Variants in TSHZ3 observed in about 807,000 individuals in gnomAD.
TSHZ3 encodes the protein teashirt homolog 3.
A neutral mutation model predicts 64.5 loss-of-function variants in TSHZ3; 10 were observed. The observed-to-expected ratio is 0.16, with a 90% CI of 0.10 to 0.26. TSHZ3 has a LOEUF of 0.26. TSHZ3 is among the 10% of genes least tolerant of loss of function. The pLI is 1.00. For synonymous variants in TSHZ3, 608 were observed against 593.1 expected, an observed-to-expected ratio of 1.03 and a Z score of -0.36; for missense variants, 1,242 against 1,421.7, an observed-to-expected ratio of 0.87 and a Z score of 2.03.
At chr19:31,165,425 A>G (rs1046031017) in intron 5 of TSHZ3, among the ~76,000 whole-genome samples, 1 of 152,106 alleles carries the variant, frequency 6.6e-6, no homozygotes, top group African/African-American at 2.4e-5. Flanking sequence ...TTCTTTTGCA[A>G]AAAGATCTTT....
intron 5 of TSHZ3, among the ~76,000 whole-genome samples, chr19:31,180,451 A>G (rs913911379): frequency 6.6e-6 from 1 of 152,180 alleles, no homozygotes; most frequent in Non-Finnish European, 1.5e-5. Context: ...AAGACATCCA[A>G]GCTTTTCAAA....
intron 5 of TSHZ3, among the ~76,000 whole-genome samples, chr19:31,160,807 C>T (rs1568333260): frequency 6.6e-6 from 1 of 152,028 alleles, no homozygotes; most frequent in Non-Finnish European, 1.5e-5. Context: ...TTCACACACA[C>T]ATGCATATAC....
intron 1 of TSHZ3, among the ~76,000 whole-genome samples, chr19:31,246,163 T>A (rs1975755382): frequency 6.6e-6 from 1 of 152,200 alleles, no homozygotes; most frequent in African/African-American, 2.4e-5. Flanking sequence ...CTAATCAGAA[T>A]ATACACTATC....
chr19:31,191,354 G>A lies in TSHZ3; in HGVS notation n.809+13602C>T, dbSNP rs192648546. On this transcript the variant is annotated intron_variant and non_coding_transcript_variant, in intron 5 of 6. Transcript: ENST00000651361. ...ATATGAGTACTGCTAATTTCTAGTC[G>A]GAAACAATGCAAGTTATAACACAAT... 2.4e-3 allele frequency among the ~76,000 whole-genome samples: 367 copies of A among 152,116 alleles called. 1 individual carries two copies. Among genetic ancestry groups the A allele is most frequent in the African/African-American group, 8.3e-3 (345 of 41,500 alleles).
exon 7 of TSHZ3, among the ~76,000 whole-genome samples, chr19:31,151,246 G>GGGAGATATT (rs1974234613): frequency 6.6e-6 from 1 of 152,168 alleles, no homozygotes; most frequent in Non-Finnish European, 1.5e-5. Context: ...AGCCTCTCTA[G>GGGAGATATT]GGAGATATTA....
intron 1 of TSHZ3, among the ~76,000 whole-genome samples, chr19:31,245,667 A>C (rs1384269510): frequency 1.3e-5 from 2 of 151,652 alleles, no homozygotes; most frequent in African/African-American, 2.4e-5. Flanking sequence ...AGCCCTGGTC[A>C]GCCACCAGCC....
chr19:31,273,632 C>T (rs938882530), downstream of TSHZ3, among the ~76,000 whole-genome samples: 3 of 152,170 alleles, frequency 2.0e-5, no homozygotes, highest in African/African-American at 4.8e-5. Context: ...AAAATTCAAG[C>T]GTGGAAATCT....
At chr19:31,292,832 A>G (rs893532918) in intron 1 of TSHZ3, among the ~76,000 whole-genome samples, 21 of 151,152 alleles carry the variant, frequency 1.4e-4, no homozygotes, top group South Asian at 1.1e-3. Flanking sequence ...TCATCCATCC[A>G]TATATCCCTC....
chr19:31,252,630 C>A (rs1025195778), intron 1 of TSHZ3, among the ~76,000 whole-genome samples: 1 of 152,192 alleles, frequency 6.6e-6, no homozygotes, highest in African/African-American at 2.4e-5. Context: ...AGCTCTCTCT[C>A]CTGCTGCCAT....
At chr19:31,234,009 G>T (rs1022919553) in intron 3 of TSHZ3, among the ~76,000 whole-genome samples, 4 of 149,728 alleles carry the variant, frequency 2.7e-5, no homozygotes, top group African/African-American at 9.8e-5. Context: ...TGGGTACAAA[G>T]AACATCTTAA....
chr19:31,292,249 T>C (rs973527519), intron 1 of TSHZ3, among the ~76,000 whole-genome samples: 10 of 152,222 alleles, frequency 6.6e-5, no homozygotes, highest in African/African-American at 2.4e-4. Flanking sequence ...GGGGATGTGC[T>C]TGACCTTCTC....
At chr19:31,348,745 G>A (rs890284228) in intron 1 of TSHZ3, 3 of 181,020 alleles carry the variant, frequency 1.7e-5, no homozygotes, top group Admixed American at 6.3e-5. Flanking sequence ...GGACCGGCTC[G>A]CTCACTCGTT....
chr19:31,338,411 C>A (rs930174071), intron 1 of TSHZ3, among the ~76,000 whole-genome samples: 1 of 152,140 alleles, frequency 6.6e-6, no homozygotes, highest in African/African-American at 2.4e-5. Context: ...CTGCTGGGAG[C>A]CCGGGCAGGG....
chr19:31,289,110 T>C (rs1440430354), intron 1 of TSHZ3, among the ~76,000 whole-genome samples: 1 of 152,232 alleles, frequency 6.6e-6, no homozygotes, highest in Non-Finnish European at 1.5e-5. Flanking sequence ...AAAGAAACTC[T>C]GCAAATAGAG....
chr19:31,332,291 C>T (rs1333658070), intron 1 of TSHZ3, among the ~76,000 whole-genome samples: 8 of 152,180 alleles, frequency 5.3e-5, no homozygotes, highest in Admixed American at 1.3e-4. Flanking sequence ...CGCTCTGCCA[C>T]GATTCCAGTA....
intron 1 of TSHZ3, among the ~76,000 whole-genome samples, chr19:31,286,736 G>A (rs573570708): frequency 1.3e-5 from 2 of 152,154 alleles, no homozygotes; most frequent in African/African-American, 4.8e-5. Flanking sequence ...GGGCAGCCAC[G>A]CAGAACCTTC....
chr19:31,269,892 A>T (rs1976110752), intron 1 of TSHZ3, among the ~76,000 whole-genome samples: 1 of 152,214 alleles, frequency 6.6e-6, no homozygotes, highest in South Asian at 2.1e-4. Flanking sequence ...CTGGGCAGGG[A>T]GTCCCAGTAC....
intron 4 of TSHZ3, among the ~76,000 whole-genome samples, chr19:31,211,886 G>A (rs536398906): frequency 6.6e-6 from 1 of 152,124 alleles, no homozygotes; most frequent in Non-Finnish European, 1.5e-5. Flanking sequence ...TGATTTAAGT[G>A]AAAAACAATA....
At chr19:31,309,395 A>G (rs1369626819) in intron 1 of TSHZ3, among the ~76,000 whole-genome samples, 1 of 152,196 alleles carries the variant, frequency 6.6e-6, no homozygotes, top group Admixed American at 6.5e-5. Flanking sequence ...TCTGCAAAAA[A>G]AAAAGGACAA....
Sources: allele counts gnomAD v4.1 joint callset (sites outside exome capture counted in the v4.1 genomes callset), GRCh38; gene constraint gnomAD v4.1.1; transcripts MANE v1.5; gene names NCBI Gene and HGNC (gene_info 2026-07-23, HGNC 2026-07-21).